The following CEP112 variants were observed in gnomAD, a reference collection of about 807,000 sequenced individuals.
The protein encoded by CEP112 is centrosomal protein 112, also known as centrosomal protein of 112 kDa.
Under a neutral mutation model 153.0 loss-of-function variants are expected in CEP112, and 127 were observed. The observed-to-expected ratio is 0.83, with a 90% CI of 0.72 to 0.96. CEP112 has a LOEUF of 0.96. CEP112 is among the 40% of genes least tolerant of loss of function. The pLI is 0.00. For missense variants in CEP112, 1,089 were observed against 1,101.2 expected (o/e 0.99, Z 0.16); for synonymous variants, 358 against 374.4 (o/e 0.96, Z 0.51).
chr17:65,940,830 C>T (rs36115539), intron 18 of CEP112, among the ~76,000 whole-genome samples: 9,834 of 151,984 alleles, frequency 0.065, 465 homozygotes, highest in African/African-American at 0.12. Flanking sequence ...CAGAGCATAG[C>T]GACTATAGTT....
chr17:65,840,091 A>G (rs910208363), intron 21 of CEP112, among the ~76,000 whole-genome samples: 5 of 152,124 alleles, frequency 3.3e-5, no homozygotes, highest in Non-Finnish European at 7.4e-5. Flanking sequence ...CACTACCCAT[A>G]ACAATCTACG....
At chr17:65,863,970 C>T (rs1032431082) in intron 20 of CEP112, among the ~76,000 whole-genome samples, 3 of 151,508 alleles carry the variant, frequency 2.0e-5, no homozygotes, top group South Asian at 2.1e-4. Context: ...GGTGAAACCC[C>T]GTCTCTACTA....
chr17:66,185,837 T>G (rs1448149628), intron 1 of CEP112, among the ~76,000 whole-genome samples: 1 of 152,248 alleles, frequency 6.6e-6, no homozygotes, highest in Non-Finnish European at 1.5e-5. Flanking sequence ...CAAACTGCCC[T>G]CTATCTGCTA....
intron 24 of CEP112, among the ~76,000 whole-genome samples, chr17:65,667,413 A>G (rs935639022): frequency 1.3e-5 from 2 of 152,132 alleles, no homozygotes; most frequent in African/African-American, 4.8e-5. Flanking sequence ...GAGTAAAATG[A>G]CATATTCTGA....
intron 21 of CEP112, among the ~76,000 whole-genome samples, chr17:65,846,544 T>C (rs1404206385): frequency 6.6e-6 from 1 of 152,172 alleles, no homozygotes; most frequent in Admixed American, 6.5e-5. Context: ...AATTTCTCAG[T>C]AGATTATCAT....
intron 17 of CEP112, among the ~76,000 whole-genome samples, chr17:65,971,490 A>G (rs1272565495): frequency 6.6e-6 from 1 of 150,808 alleles, no homozygotes; most frequent in African/African-American, 2.4e-5. Flanking sequence ...TATGACATGA[A>G]TGTCATACAT....
chr17:65,926,603 C>A (rs2060933874), intron 19 of CEP112, among the ~76,000 whole-genome samples: 2 of 152,068 alleles, frequency 1.3e-5, no homozygotes, highest in Admixed American at 1.3e-4. Context: ...ATCCCAGCTA[C>A]TTGGGAGGCT....
At chr17:65,675,889 A>G (rs545269303) in intron 24 of CEP112, among the ~76,000 whole-genome samples, 1 of 152,302 alleles carries the variant, frequency 6.6e-6, no homozygotes, top group Admixed American at 6.5e-5. Flanking sequence ...AAAGGCATTT[A>G]AGAAAATTCA....
intron 12 of CEP112, among the ~76,000 whole-genome samples, chr17:66,053,107 A>G (rs11650786): frequency 0.61 from 61,405 of 100,134 alleles, 14,089 homozygotes; most frequent in East Asian, 0.88. Context: ...ACCCTGTCTC[A>G]AAGGAAAAAA....
intron 21 of CEP112, among the ~76,000 whole-genome samples, chr17:65,821,506 AT>A (rs2056542468): frequency 1.7e-5 from 2 of 118,720 alleles, no homozygotes; most frequent in African/African-American, 6.4e-5. Context: ...TTATATATAT[AT>A]ATATAATTAT....
chr17:65,934,251 T>G (rs748651699), intron 18 of CEP112, among the ~76,000 whole-genome samples: 1 of 152,010 alleles, frequency 6.6e-6, no homozygotes, highest in Non-Finnish European at 1.5e-5. Flanking sequence ...ATCAAAAACA[T>G]AAAATTAAGG....
intron 17 of CEP112, among the ~76,000 whole-genome samples, chr17:65,999,496 C>T (rs192579879): frequency 8.4e-4 from 127 of 152,066 alleles, no homozygotes; most frequent in African/African-American, 3.0e-3. Context: ...CCACCACGCC[C>T]GGCCAGAAAT....
chr17:66,097,733 A>G (rs1460607455), intron 6 of CEP112, among the ~76,000 whole-genome samples: 2 of 152,192 alleles, frequency 1.3e-5, no homozygotes, highest in Non-Finnish European at 2.9e-5. Context: ...CTTTCAATAA[A>G]GTATTTATTG....
At chr17:66,113,609 T>G (rs1479953238) in intron 6 of CEP112, among the ~76,000 whole-genome samples, 3 of 152,210 alleles carry the variant, frequency 2.0e-5, no homozygotes, top group Non-Finnish European at 4.4e-5. Context: ...TCTTCATCTT[T>G]AAAAGCCATT....
chr17:65,757,598 T>G (rs1289683946), intron 21 of CEP112, among the ~76,000 whole-genome samples: 1 of 152,218 alleles, frequency 6.6e-6, no homozygotes, highest in East Asian at 1.9e-4. Context: ...TGCTAACAGC[T>G]AAATAGAGTA....
At chr17:66,185,178 G>A (rs181675447) in intron 1 of CEP112, among the ~76,000 whole-genome samples, 1 of 142,108 alleles carries the variant, frequency 7.0e-6, no homozygotes, top group African/African-American at 2.5e-5. Flanking sequence ...ACCTACAGTG[G>A]CAAGAACTAT....
intron 14 of CEP112, 152 bp from the exon 15 acceptor site, chr17:66,028,557 T>C (rs1054222211): frequency 1.9e-5 from 8 of 421,528 alleles, no homozygotes; most frequent in African/African-American, 1.4e-4. Flanking sequence ...TTTTAAAAGA[T>C]ACTAGAAAAA....
intron 24 of CEP112, among the ~76,000 whole-genome samples, chr17:65,664,571 C>T (rs1003264084): frequency 3.9e-5 from 6 of 151,978 alleles, no homozygotes; most frequent in Non-Finnish European, 5.9e-5. Context: ...ATGGGGAGAA[C>T]GGAGATGATG....
At chr17:65,994,936 C>A (rs1161715825) in intron 17 of CEP112, among the ~76,000 whole-genome samples, 1 of 152,104 alleles carries the variant, frequency 6.6e-6, no homozygotes, top group Non-Finnish European at 1.5e-5. Flanking sequence ...TCTAAGGGCT[C>A]CACCATCAAC....
Sources: gnomAD v4.1 joint callset for allele counts (sites outside exome capture counted in the v4.1 genomes callset) on GRCh38, gnomAD v4.1.1 for gene constraint, MANE v1.5 for transcripts, NCBI Gene and HGNC (gene_info 2026-07-23, HGNC 2026-07-21) for gene names.